CADM1: variants seen among roughly 807,000 people sequenced by gnomAD.
CADM1 encodes the protein cell adhesion molecule 1, also known as TSLC-1.
CADM1 carries 15 observed loss-of-function variants against 53.1 expected under a neutral mutation model. That is an observed-to-expected ratio of 0.28 (90% CI 0.19 to 0.44). CADM1 has a LOEUF of 0.44. Ranked by LOEUF, CADM1 falls within the 20% of genes least tolerant of loss-of-function variation. The pLI is 1.00. For missense variants in CADM1, 434 were observed against 611.3 expected (o/e 0.71, Z 3.06); for synonymous variants, 281 against 243.0 (o/e 1.16, Z -1.45).
chr11:115,329,332 T>C (rs1591713659), intron 1 of CADM1, among the ~76,000 whole-genome samples: 1 of 152,304 alleles, frequency 6.6e-6, no homozygotes, highest in South Asian at 2.1e-4. Context: ...TCCACAATAA[T>C]CTCCATCAGT....
At chr11:115,178,522 C>T (rs1280867228) in intron 11 of CADM1, 122 bp downstream of exon 11, 45 of 524,364 alleles carry the variant, frequency 8.6e-5, no homozygotes, top group South Asian at 1.5e-4. Flanking sequence ...CTTCCAGTTT[C>T]AGGAATCAGA....
chr11:115,182,165 G>T (rs1054310610), intron 10 of CADM1, among the ~76,000 whole-genome samples: 1 of 152,140 alleles, frequency 6.6e-6, no homozygotes, highest in African/African-American at 2.4e-5. Context: ...TCAGATTCCC[G>T]GCTCATTTTC....
chr11:115,357,200 A>T (rs1312565727), intron 1 of CADM1, among the ~76,000 whole-genome samples: 2 of 152,090 alleles, frequency 1.3e-5, no homozygotes, highest in African/African-American at 4.8e-5. Flanking sequence ...GGCTCCCCCA[A>T]AGGCATTCGC....
At chr11:115,195,411 ATTT>A (rs1180280400) in intron 9 of CADM1, among the ~76,000 whole-genome samples, 1 of 152,182 alleles carries the variant, frequency 6.6e-6, no homozygotes, top group Non-Finnish European at 1.5e-5. Flanking sequence ...AAAAATTTTT[ATTT>A]TTTCTTTTCC....
At chr11:115,313,129 T>A (rs1944574067) in intron 1 of CADM1, among the ~76,000 whole-genome samples, 1 of 152,198 alleles carries the variant, frequency 6.6e-6, no homozygotes, top group Admixed American at 6.5e-5. Flanking sequence ...CATTAGGCAG[T>A]GACCATCAGC....
chr11:115,413,792 A>G (rs923083874), intron 1 of CADM1, among the ~76,000 whole-genome samples: 1 of 151,766 alleles, frequency 6.6e-6, no homozygotes, highest in Non-Finnish European at 1.5e-5. Context: ...TTACAGGCAC[A>G]CGCCACCATG....
At chr11:115,340,641 T>TATAC (rs1368170349) in intron 1 of CADM1, among the ~76,000 whole-genome samples, 3 of 30,832 alleles carry the variant, frequency 9.7e-5, no homozygotes, top group Admixed American at 3.4e-4. Flanking sequence ...TATATATATA[T>TATAC]ATATATATAT....
intron 9 of CADM1, among the ~76,000 whole-genome samples, chr11:115,192,467 A>C (rs939736690): frequency 6.6e-6 from 1 of 152,244 alleles, no homozygotes; most frequent in Non-Finnish European, 1.5e-5. Flanking sequence ...GGTTGACAAT[A>C]TTCCTATTTC....
intron 1 of CADM1, among the ~76,000 whole-genome samples, chr11:115,408,067 A>G (rs1256996334): frequency 1.3e-5 from 2 of 151,934 alleles, no homozygotes; most frequent in African/African-American, 4.8e-5. Context: ...AAACTAAATG[A>G]CAAGTTTCAA....
chr11:115,412,266 T>C (rs954282010), intron 1 of CADM1, among the ~76,000 whole-genome samples: 2 of 152,188 alleles, frequency 1.3e-5, no homozygotes, highest in African/African-American at 4.8e-5. Flanking sequence ...CAATCATGGC[T>C]CACTGCAACC....
At chr11:115,459,802 AT>A (rs1487826893) in intron 1 of CADM1, among the ~76,000 whole-genome samples, 3 of 152,212 alleles carry the variant, frequency 2.0e-5, no homozygotes, top group Non-Finnish European at 2.9e-5. Flanking sequence ...GTTTTCTCTT[AT>A]CCTCACACAC....
At chr11:115,466,182 C>T (rs950931094) in intron 1 of CADM1, among the ~76,000 whole-genome samples, 1 of 152,168 alleles carries the variant, frequency 6.6e-6, no homozygotes, top group Admixed American at 6.5e-5. Context: ...CTTGTAGCAT[C>T]GTAAGTCTGC....
chr11:115,416,336 A>T (rs1248997614), intron 1 of CADM1, among the ~76,000 whole-genome samples: 1 of 152,202 alleles, frequency 6.6e-6, no homozygotes, highest in Non-Finnish European at 1.5e-5. Flanking sequence ...ATGAAACAAT[A>T]TATTTCTATT....
At chr11:115,491,715 A>G (rs1363595989) in intron 1 of CADM1, among the ~76,000 whole-genome samples, 5 of 152,220 alleles carry the variant, frequency 3.3e-5, no homozygotes, top group Non-Finnish European at 5.9e-5. Flanking sequence ...ATGTCTATCA[A>G]TGGTAGACTG....
chr11:115,416,160 AACTCC>A (rs1461931894), intron 1 of CADM1, among the ~76,000 whole-genome samples: 1 of 152,226 alleles, frequency 6.6e-6, no homozygotes, highest in African/African-American at 2.4e-5. Context: ...ATTAATATAC[AACTCC>A]ACAGAAGACA....
At chr11:115,301,590 T>C (rs569444390) in intron 1 of CADM1, among the ~76,000 whole-genome samples, 115 of 152,226 alleles carry the variant, frequency 7.6e-4, no homozygotes, top group African/African-American at 2.7e-3. Flanking sequence ...CTTTGTACTT[T>C]ACTGATCATA....
intron 1 of CADM1, chr11:115,377,129 A>G (rs1467702663): frequency 1.3e-5 from 2 of 152,170 alleles, no homozygotes; most frequent in South Asian, 2.1e-4. Context: ...TTATTAATTG[A>G]CCGTGTCAGA....
At chr11:115,405,425 G>A in intron 1 of CADM1, among the ~76,000 whole-genome samples, 1 of 152,116 alleles carries the variant, frequency 6.6e-6, no homozygotes, top group East Asian at 1.9e-4. Flanking sequence ...CTTTATCCAA[G>A]AAAGCCAAAG....
At chr11:115,359,676 C>CT (rs890719806) in intron 1 of CADM1, among the ~76,000 whole-genome samples, 3 of 152,020 alleles carry the variant, frequency 2.0e-5, no homozygotes, top group African/African-American at 4.8e-5. Flanking sequence ...CCAAAGAAAG[C>CT]TTTTTTTTAA....
Sources: allele counts gnomAD v4.1 joint callset (sites outside exome capture counted in the v4.1 genomes callset), GRCh38; gene constraint gnomAD v4.1.1; transcripts MANE v1.5; gene names NCBI Gene and HGNC (gene_info 2026-07-23, HGNC 2026-07-21).